The following AHCY variants were observed in gnomAD, a reference collection of about 807,000 sequenced individuals.
AHCY encodes S-adenosyl-L-homocysteine hydrolase.
AHCY carries 24 observed loss-of-function variants against 45.4 expected under a neutral mutation model. The ratio of observed to expected loss-of-function variants is 0.53; its 90% CI spans 0.38 to 0.74. The LOEUF is 0.74. Ranked by LOEUF, AHCY falls within the 30% of genes least tolerant of loss-of-function variation. The probability of loss-of-function intolerance (pLI) is 0.00; values close to 1 mark genes in which losing one functional copy is unlikely to be tolerated. For synonymous variants in AHCY, 245 were observed against 235.1 expected (o/e 1.04, Z -0.39); for missense variants, 449 against 594.1 (o/e 0.76, Z 2.54).
the AHCY span, among the ~76,000 whole-genome samples, chr20:34,241,782 G>A: frequency 2.0e-5 from 3 of 151,990 alleles, no homozygotes; most frequent in South Asian, 2.1e-4. Context: ...CCTAAATATC[G>A]ACCCTGACCC....
intron 8 of AHCY, among the ~76,000 whole-genome samples, chr20:34,289,069 T>C (rs1356085123): frequency 6.6e-6 from 1 of 152,130 alleles, no homozygotes; most frequent in East Asian, 1.9e-4. Flanking sequence ...AATGGCGCAA[T>C]CTCGGCTCAC....
At chr20:34,258,817 A>G in the AHCY span, among the ~76,000 whole-genome samples, 1 of 118,630 alleles carries the variant, frequency 8.4e-6, no homozygotes, top group African/African-American at 3.1e-5. Flanking sequence ...GATATATATA[A>G]TACTATATAT....
chr20:34,301,892 C>T (rs1219312262), intron 1 of AHCY: 4 of 985,324 alleles, frequency 4.1e-6, no homozygotes, highest in African/African-American at 1.7e-5. Flanking sequence ...AACGGGATTA[C>T]GTCCACCTCT....
chr20:34,305,899 T>G (rs950384235), upstream of AHCY, among the ~76,000 whole-genome samples: 1 of 151,950 alleles, frequency 6.6e-6, no homozygotes, highest in Non-Finnish European at 1.5e-5. Flanking sequence ...CTGGCCAACA[T>G]AGTGAAACCC....
In AHCY at chr20:34,289,292, G is replaced by A. The variant is rs546088025; in HGVS notation, c.972+1040C>T. ...GGGTTCATGTGATTCTCCTGCCTCAGCCTCCCAAGTAGCTGGGATTGCAGG... is the reference window on the plus strand; with the variant it reads ...GGGTTCATGTGATTCTCCTGCCTCAACCTCCCAAGTAGCTGGGATTGCAGG... On this transcript the variant is annotated intron_variant, in intron 8 of 9. Coordinates refer to ENST00000217426, the MANE Select transcript of AHCY (RefSeq NM_000687.4). 2.2e-4 allele frequency among the ~76,000 whole-genome samples: 34 copies of A among 152,214 alleles called. No homozygotes were observed. The East Asian group carries it at 6.4e-3, about 28-fold the overall frequency.
the AHCY span, among the ~76,000 whole-genome samples, chr20:34,241,797 G>T: frequency 2.6e-5 from 4 of 152,172 alleles, no homozygotes; most frequent in Non-Finnish European, 4.4e-5. Flanking sequence ...TGACCCCAAA[G>T]TCACACTTTA....
At chr20:34,284,050 G>A (rs1412898313) in intron 9 of AHCY, among the ~76,000 whole-genome samples, 2 of 152,222 alleles carry the variant, frequency 1.3e-5, no homozygotes, top group African/African-American at 4.8e-5. Context: ...CCTGACCCCA[G>A]GGAAGGGTGG....
chr20:34,311,108 A>C (rs2036943202), intron 1 of AHCY, among the ~76,000 whole-genome samples: 1 of 152,240 alleles, frequency 6.6e-6, no homozygotes, highest in South Asian at 2.1e-4. Flanking sequence ...CAACAGAGTG[A>C]GACTCTGTCT....
At chr20:34,283,744 A>G (rs864702) in intron 9 of AHCY, among the ~76,000 whole-genome samples, 132,572 of 152,230 alleles carry the variant, frequency 0.87, 57,813 homozygotes, top group Admixed American at 0.91. Context: ...GGTCCTTATG[A>G]GTAAAATGTT....
chr20:34,277,226 A>C (rs2035916425), downstream of AHCY, among the ~76,000 whole-genome samples: 1 of 152,174 alleles, frequency 6.6e-6, no homozygotes, highest in African/African-American at 2.4e-5. Context: ...CTTGGTGTGC[A>C]GAAAGAGCCC....
rs1261248365 is a variant in AHCY at position 34,280,764 on chromosome 20, A to G, written c.*270T>C. 2.0e-6 allele frequency: 1 copy of G among 506,624 alleles called. No homozygotes were observed. Among genetic ancestry groups the G allele is most frequent in the African/African-American group, 1.9e-5 (1 of 51,636 alleles). The allele number at this position is 506,624 out of a possible 1,614,324, so 31.4% of individuals were successfully genotyped here. On this transcript the variant is annotated 3_prime_UTR_variant, in exon 10 of 10. Transcript: ENST00000217426. ...TTCCAGGCTAAGGAAGGACTGACTT[A>G]GTGAGCTGTTCCAAGACCACTGAGC...
chr20:34,261,098 C>T, the AHCY span, among the ~76,000 whole-genome samples: 1 of 152,222 alleles, frequency 6.6e-6, no homozygotes, highest in East Asian at 1.9e-4. Context: ...TAGCACGGAT[C>T]ACACAGTTTT....
the AHCY span, chr20:34,260,247 C>T: frequency 9.7e-7 from 1 of 1,032,446 alleles, no homozygotes; most frequent in Non-Finnish European, 1.4e-6. Context: ...TCCAGCTCCA[C>T]CAGGACACTT....
At chr20:34,267,687 A>G in the AHCY span, among the ~76,000 whole-genome samples, 1 of 151,898 alleles carries the variant, frequency 6.6e-6, no homozygotes, top group Admixed American at 6.6e-5. Flanking sequence ...ATGTGCCACC[A>G]TGCTGGGCTA....
At position 34,295,377 on chromosome 20, in the gene AHCY, T is replaced by C. The variant is rs2122783447; in HGVS notation, c.219+18A>G. ...AGGGAGGGCAAGGACTCTGGGGTGA[T>C]ACAGCTGTGGGCCTCACCTCAGCAC... On this transcript the variant is annotated intron_variant, in intron 2 of 9. Coordinates refer to ENST00000217426, the MANE Select transcript of AHCY (RefSeq NM_000687.4). The C allele has an allele frequency of 6.2e-7, 1 of 1,613,766 alleles. No individual in the cohort carries two copies. Among genetic ancestry groups the C allele is most frequent in the Non-Finnish European group, 8.5e-7 (1 of 1,179,836 alleles).
intron 3 of AHCY, chr20:34,293,637 C>A: frequency 3.0e-6 from 1 of 335,780 alleles, no homozygotes; most frequent in Non-Finnish European, 5.8e-6. Context: ...AACCACTCCC[C>A]TCCCCAAGTC....
the AHCY span, among the ~76,000 whole-genome samples, chr20:34,241,287 T>C: frequency 6.6e-6 from 1 of 152,230 alleles, no homozygotes; most frequent in African/African-American, 2.4e-5. Context: ...GCCTTTCAGC[T>C]GATGAAACAT....
intron 1 of AHCY, among the ~76,000 whole-genome samples, chr20:34,310,819 C>T (rs1210212724): frequency 6.6e-6 from 1 of 151,684 alleles, no homozygotes; most frequent in East Asian, 1.9e-4. Context: ...AAAGCGAGAC[C>T]CTGTCCGTAT....
chr20:34,304,738 G>A (rs531790830), upstream of AHCY, among the ~76,000 whole-genome samples: 22 of 151,812 alleles, frequency 1.4e-4, no homozygotes, highest in Middle Eastern at 3.4e-3. Context: ...GCCCAGGCTG[G>A]AGTGCAATGG....
Sources: allele counts gnomAD v4.1 joint callset (sites outside exome capture counted in the v4.1 genomes callset), GRCh38; gene constraint gnomAD v4.1.1; transcripts MANE v1.5; gene names NCBI Gene and HGNC (gene_info 2026-07-23, HGNC 2026-07-21).